The following CEP135 variants were observed in gnomAD, a reference collection of about 807,000 sequenced individuals.
The protein encoded by CEP135 is centrosomal protein of 135 kDa.
In CEP135, 142 loss-of-function variants were observed where a neutral mutation model predicts 157.3. The observed-to-expected ratio is 0.90, with a 90% CI of 0.79 to 1.04. CEP135 has a LOEUF of 1.04. CEP135 is among the 50% of genes least tolerant of loss of function. The probability of loss-of-function intolerance (pLI) is 0.00; values close to 1 mark genes in which losing one functional copy is unlikely to be tolerated. For missense variants in CEP135, 1,317 were observed against 1,309.2 expected (o/e 1.01, Z -0.09); for synonymous variants, 396 against 439.8 (o/e 0.90, Z 1.25).
At chr4:56,018,127 C>T (rs944591666) in intron 22 of CEP135, among the ~76,000 whole-genome samples, 6 of 152,116 alleles carry the variant, frequency 3.9e-5, no homozygotes, top group Admixed American at 3.9e-4. Context: ...TTGCAGGCAT[C>T]TGCTAACACA....
intron 21 of CEP135, among the ~76,000 whole-genome samples, chr4:56,016,133 A>G (rs1730766480): frequency 6.6e-6 from 1 of 152,112 alleles, no homozygotes; most frequent in African/African-American, 2.4e-5. Flanking sequence ...CAGAGATTGG[A>G]GTGATATGTC....
chr4:55,963,745 C>G (rs1728755174), intron 6 of CEP135, among the ~76,000 whole-genome samples: 1 of 152,090 alleles, frequency 6.6e-6, no homozygotes, highest in Non-Finnish European at 1.5e-5. Context: ...AACTCCGTCT[C>G]AAAAAGAAAA....
intron 8 of CEP135, among the ~76,000 whole-genome samples, chr4:55,967,385 T>A (rs1728875528): frequency 6.6e-6 from 1 of 152,182 alleles, no homozygotes; most frequent in African/African-American, 2.4e-5. Flanking sequence ...CCCCAACATT[T>A]CAGATTATCT....
intron 14 of CEP135, among the ~76,000 whole-genome samples, chr4:55,988,026 A>C (rs1370276466): frequency 2.0e-5 from 3 of 152,356 alleles, no homozygotes; most frequent in Middle Eastern, 6.8e-3. Context: ...AGTCATGAAT[A>C]ATACAATTTA....
At position 55,953,263 on chromosome 4, in the gene CEP135, CA is replaced by C; in HGVS notation, c.294del (p.Gln98HisfsTer6). 6.5e-7 allele frequency: 1 copy of C among 1,538,446 alleles called. No individual in the cohort carries two copies. The highest frequency in any genetic ancestry group is 8.7e-7 in the Non-Finnish European group (1 of 1,147,230). ...ELMKLREHSD[Q>X]HVKELKTSLK... ...AATGAAACTGAGAGAACATTCAGAC[CA>C]ACACGTTAAAGGTAAGTGAAAATTT... is the stretch of plus-strand genomic sequence containing the variant. On this transcript the variant is annotated frameshift_variant, in exon 3 of 26. Transcript: ENST00000257287. LOFTEE classifies it high-confidence loss of function.
chr4:55,980,036 A>G (rs1201373036), intron 11 of CEP135, 107 bp from the exon 12 acceptor site: 2 of 909,636 alleles, frequency 2.2e-6, no homozygotes, highest in Non-Finnish European at 1.7e-6. Context: ...CGTTAAAGGC[A>G]CTTGTGTTCT....
At position 56,011,812 on chromosome 4, in the gene CEP135, C is replaced by T; in HGVS notation, c.2629C>T (p.Gln877Ter). 1 of 1,566,750 alleles carries T rather than the reference C, an allele frequency of 6.4e-7. No individual in the cohort carries two copies. Among genetic ancestry groups the T allele is most frequent in the Non-Finnish European group, 8.6e-7 (1 of 1,164,592 alleles). The change falls in exon 21 of 26, where the codon CAA (glutamine) becomes TAA (stop). Residue 877 changes from glutamine (Q) to a stop codon, truncating the protein, a stop_gained. Coordinates refer to ENST00000257287, the MANE Select transcript of CEP135 (RefSeq NM_025009.5). LOFTEE classifies it high-confidence loss of function. ...GTGATTAAACCAGGAAAAAGAAAAT[C>T]AAGATTTGTTAGATAGATTTCAGAT... is the stretch of plus-strand genomic sequence containing the variant. ...SLMAAKEKEN[Q>*]DLLDRFQMLH...
intron 19 of CEP135, among the ~76,000 whole-genome samples, chr4:56,010,256 G>C (rs984318622): frequency 1.4e-5 from 2 of 147,978 alleles, no homozygotes; most frequent in Non-Finnish European, 3.0e-5. Flanking sequence ...CCAGCTGCTC[G>C]GAAGGCTGAG....
At chr4:55,979,269 T>C (rs1729322871) in intron 11 of CEP135, among the ~76,000 whole-genome samples, 1 of 152,142 alleles carries the variant, frequency 6.6e-6, no homozygotes. Context: ...GGCATACAAA[T>C]TTATTTACAT....
intron 24 of CEP135, among the ~76,000 whole-genome samples, chr4:56,022,961 A>C (rs1731017244): frequency 6.6e-6 from 1 of 151,726 alleles, no homozygotes; most frequent in African/African-American, 2.4e-5. Flanking sequence ...GCTGGGCATG[A>C]AGGTGCACAG....
intron 14 of CEP135, 26 bp from the exon 15 acceptor site, chr4:55,991,908 C>T: frequency 8.2e-7 from 1 of 1,217,210 alleles, no homozygotes; most frequent in South Asian, 1.5e-5. Context: ...AGATATATAC[C>T]TACTGTTTTT....
intron 21 of CEP135, among the ~76,000 whole-genome samples, chr4:56,015,593 C>G (rs2109739712): frequency 6.6e-6 from 1 of 152,336 alleles, no homozygotes; most frequent in South Asian, 2.1e-4. Context: ...ATTCAGCCTG[C>G]TTGGTTGCAG....
chr4:55,950,507 G>C (rs941362327), intron 1 of CEP135, among the ~76,000 whole-genome samples: 1 of 152,090 alleles, frequency 6.6e-6, no homozygotes, highest in African/African-American at 2.4e-5. Context: ...TCTTTGGGCT[G>C]AGCATATTGG....
At chr4:55,977,337 T>G (rs1729257378) in intron 11 of CEP135, among the ~76,000 whole-genome samples, 1 of 152,322 alleles carries the variant, frequency 6.6e-6, no homozygotes, top group South Asian at 2.1e-4. Flanking sequence ...CTCCTCACCT[T>G]GTATTCACCC....
chr4:55,987,722 G>GA (rs1186329449), intron 14 of CEP135, among the ~76,000 whole-genome samples: 1 of 152,098 alleles, frequency 6.6e-6, no homozygotes, highest in Non-Finnish European at 1.5e-5. Flanking sequence ...TTAATTACTG[G>GA]AAAATGTATC....
chr4:56,000,408 C>G (rs1223762791), intron 17 of CEP135, among the ~76,000 whole-genome samples: 1 of 151,950 alleles, frequency 6.6e-6, no homozygotes, highest in Non-Finnish European at 1.5e-5. Context: ...CTGGAGTCAC[C>G]CTATTGATAT....
intron 14 of CEP135, among the ~76,000 whole-genome samples, chr4:55,990,939 C>T (rs527934694): frequency 8.5e-5 from 13 of 152,096 alleles, no homozygotes; most frequent in East Asian, 5.8e-4. Flanking sequence ...AATTTGCTTG[C>T]GCATTTGTAT....
intron 17 of CEP135, among the ~76,000 whole-genome samples, chr4:56,003,747 G>T (rs1355590924): frequency 2.6e-5 from 4 of 151,124 alleles, no homozygotes; most frequent in African/African-American, 9.7e-5. Context: ...TTGAGACAGA[G>T]TCTCACTGTA....
In CEP135 at chr4:56,018,438, C is replaced by G. The variant is rs73155583; in HGVS notation, c.3012+581C>G. ...ATTTTCTGATTATAAATCAGCATAT[C>G]CTAATACATTCTTTCTCTGTTTAAA... On this transcript the variant is annotated intron_variant, in intron 22 of 25. Coordinates refer to ENST00000257287, the MANE Select transcript of CEP135 (RefSeq NM_025009.5). Among the ~76,000 whole-genome samples the G allele has an allele frequency of 2.6e-3, 391 of 152,170 alleles. 1 individual carries two copies. Among genetic ancestry groups the G allele is most frequent in the Middle Eastern group, 0.014 (4 of 294 alleles).
Sources: allele counts gnomAD v4.1 joint callset (sites outside exome capture counted in the v4.1 genomes callset), GRCh38; gene constraint gnomAD v4.1.1; transcripts MANE v1.5; gene names NCBI Gene and HGNC (gene_info 2026-07-23, HGNC 2026-07-21).